Variants in XDH observed in about 807,000 individuals in gnomAD.
XDH encodes the protein xanthine dehydrogenase, also known as xanthine dehydrogenase/oxidase.
A neutral mutation model predicts 156.1 loss-of-function variants in XDH; 138 were observed. The ratio of observed to expected loss-of-function variants is 0.88; its 90% CI spans 0.77 to 1.02. The LOEUF is 1.02. XDH is among the 50% of genes least tolerant of loss of function. The pLI is 0.00. For synonymous variants in XDH, 669 were observed against 625.7 expected, an observed-to-expected ratio of 1.07 and a Z score of -1.03; for missense variants, 1,849 against 1,684.9, an observed-to-expected ratio of 1.10 and a Z score of -1.71.
intron 24 of XDH, among the ~76,000 whole-genome samples, chr2:31,357,186 C>T (rs1275485149): frequency 1.3e-5 from 2 of 151,856 alleles, no homozygotes; most frequent in Admixed American, 6.6e-5. Flanking sequence ...AACTCAAGAA[C>T]CTAGAAAAAG....
At chr2:31,342,114 C>T in intron 32 of XDH, 69 bp downstream of exon 32, 1 of 1,378,658 alleles carries the variant, frequency 7.3e-7, no homozygotes. Context: ...TCTATCAGCT[C>T]TAGGTATTAC....
intron 23 of XDH, among the ~76,000 whole-genome samples, chr2:31,364,576 G>C (rs1671214990): frequency 6.6e-6 from 1 of 152,070 alleles, no homozygotes; most frequent in South Asian, 2.1e-4. Flanking sequence ...TAGGGCGGGG[G>C]GGAAGCGCAG....
chr2:31,342,444 T>C lies in XDH; in HGVS notation c.3405-147A>G. ...CCAAAAAAGTCCATGGTTTGAACAATTTGAACCTGTTAACGAAACCCAGAT... is the reference window on the plus strand; with the variant it reads ...CCAAAAAAGTCCATGGTTTGAACAACTTGAACCTGTTAACGAAACCCAGAT... On this transcript the variant is annotated intron_variant, in intron 31 of 35. Coordinates refer to ENST00000379416, the MANE Select transcript of XDH (RefSeq NM_000379.4). 6 of 701,520 alleles carry C rather than the reference T, an allele frequency of 8.6e-6. 1 individual carries two copies. The South Asian group carries it at 9.9e-5, about 12-fold the overall frequency. The allele number at this position is 701,520 out of a possible 1,614,324, so 43.5% of individuals were successfully genotyped here.
chr2:31,362,544 C>T (rs1362632215), intron 24 of XDH, among the ~76,000 whole-genome samples: 2 of 152,140 alleles, frequency 1.3e-5, no homozygotes, highest in Non-Finnish European at 2.9e-5. Context: ...TGAGTTTTAC[C>T]TGTCATGTAA....
chr2:31,337,964 C>T (rs1685012626), intron 34 of XDH, 147 bp from the exon 35 acceptor site: 2 of 779,992 alleles, frequency 2.6e-6, no homozygotes, highest in Admixed American at 2.6e-5. Flanking sequence ...ACACCAAATA[C>T]AGCAGGAAGG....
intron 24 of XDH, among the ~76,000 whole-genome samples, chr2:31,351,798 A>C (rs947587544): frequency 6.6e-6 from 1 of 152,232 alleles, no homozygotes; most frequent in African/African-American, 2.4e-5. Flanking sequence ...TAGGCTTTCC[A>C]GTTTTTCTCA....
At chr2:31,381,862 A>G (rs1489784417) in intron 11 of XDH, 136 bp from the exon 12 acceptor site, 3 of 760,562 alleles carry the variant, frequency 3.9e-6, no homozygotes, top group African/African-American at 3.5e-5. Flanking sequence ...TGTAGTCACA[A>G]TACCAGCATA....
intron 17 of XDH, among the ~76,000 whole-genome samples, chr2:31,370,723 G>A (rs1686048881): frequency 6.6e-6 from 1 of 152,224 alleles, no homozygotes; most frequent in South Asian, 2.1e-4. Flanking sequence ...AAGCCAGCCA[G>A]GCACAGTGGC....
chr2:31,394,654 C>A (rs1686855826), intron 6 of XDH, among the ~76,000 whole-genome samples: 1 of 152,098 alleles, frequency 6.6e-6, no homozygotes, highest in Non-Finnish European at 1.5e-5. Flanking sequence ...TCTTTTACTG[C>A]TGATATTCTC....
chr2:31,401,140 A>G, intron 4 of XDH, 80 bp downstream of exon 4: 1 of 1,517,602 alleles, frequency 6.6e-7, no homozygotes, highest in Non-Finnish European at 9.1e-7. Flanking sequence ...AACCCAAAGC[A>G]AGTCTGCAAC....
At chr2:31,397,881 C>G in intron 5 of XDH, 152 bp from the exon 6 acceptor site, 1 of 822,210 alleles carries the variant, frequency 1.2e-6, no homozygotes. Context: ...CTTCTCATAT[C>G]CTGACTTCAG....
chr2:31,368,809 CCTA>C, intron 18 of XDH, 149 bp from the exon 19 acceptor site: 1 of 1,454,716 alleles, frequency 6.9e-7, no homozygotes, highest in Non-Finnish European at 9.4e-7. Context: ...ATTTCCTTAT[CCTA>C]CTGATTGAGG....
At chr2:31,403,990 T>A (rs955270523) in intron 2 of XDH, among the ~76,000 whole-genome samples, 2 of 152,098 alleles carry the variant, frequency 1.3e-5, no homozygotes, top group East Asian at 1.9e-4. Context: ...TGATATAACA[T>A]CTTATTTTTG....
chr2:31,359,963 G>C (rs1385079223), intron 24 of XDH, among the ~76,000 whole-genome samples: 1 of 152,210 alleles, frequency 6.6e-6, no homozygotes, highest in East Asian at 1.9e-4. Context: ...AAAATGGTAA[G>C]TGGAAAATAT....
chr2:31,385,238 C>A (rs1307274245), intron 9 of XDH, among the ~76,000 whole-genome samples: 2 of 152,166 alleles, frequency 1.3e-5, no homozygotes, highest in Admixed American at 6.5e-5. Flanking sequence ...CCCCAGCCAC[C>A]TTAAATCAAG....
intron 4 of XDH, among the ~76,000 whole-genome samples, chr2:31,399,862 G>T (rs1274017117): frequency 3.9e-5 from 6 of 152,162 alleles, no homozygotes; most frequent in Non-Finnish European, 8.8e-5. Flanking sequence ...CTCTTTCTTT[G>T]TAAATTACCC....
intron 6 of XDH, among the ~76,000 whole-genome samples, chr2:31,393,040 T>C (rs1416771269): frequency 6.6e-6 from 1 of 152,240 alleles, no homozygotes; most frequent in East Asian, 1.9e-4. Context: ...AATGTGTGTT[T>C]CATAGCACAG....
At chr2:31,348,055 A>C (rs1685350034) in intron 28 of XDH, among the ~76,000 whole-genome samples, 1 of 152,196 alleles carries the variant, frequency 6.6e-6, no homozygotes, top group South Asian at 2.1e-4. Context: ...TGGTAATAGC[A>C]ATGTCCTCAG....
Position 31,385,252 on chromosome 2 carries a change from C to T in XDH, c.793+1162G>A, listed in dbSNP as rs17011401. ...CCCCCAGCCACCTTAAATCAAGCTA[C>T]ACCTGAGCTACATGAGCCATGAGTC... On this transcript the variant is annotated intron_variant, in intron 9 of 35. Coordinates refer to ENST00000379416, the MANE Select transcript of XDH (RefSeq NM_000379.4). 8.7e-4 allele frequency among the ~76,000 whole-genome samples: 132 copies of T among 152,310 alleles called. 3 individuals carry two copies. The East Asian group carries it at 0.023, about 26-fold the overall frequency.
Sources: allele counts gnomAD v4.1 joint callset (sites outside exome capture counted in the v4.1 genomes callset), GRCh38; gene constraint gnomAD v4.1.1; transcripts MANE v1.5; gene names NCBI Gene and HGNC (gene_info 2026-07-23, HGNC 2026-07-21).